The following PCDH7 variants were observed in gnomAD, a reference collection of about 807,000 sequenced individuals.
The protein encoded by PCDH7 is protocadherin-7.
Under a neutral mutation model 58.9 loss-of-function variants are expected in PCDH7, and 17 were observed. The observed-to-expected ratio is 0.29, with a 90% confidence interval of 0.20 to 0.43. The LOEUF (loss-of-function observed/expected upper bound fraction) is 0.43. PCDH7 is among the 20% of genes least tolerant of loss of function. The pLI, the probability that PCDH7 is intolerant of heterozygous loss-of-function variation, is 1.00. For synonymous variants in PCDH7, 664 were observed against 616.4 expected (o/e 1.08, Z -1.14); for missense variants, 1,274 against 1,441.0 (o/e 0.88, Z 1.88).
intron 1 of PCDH7, among the ~76,000 whole-genome samples, chr4:30,792,905 T>C (rs916660382): frequency 6.6e-6 from 1 of 152,150 alleles, no homozygotes; most frequent in Non-Finnish European, 1.5e-5. Flanking sequence ...TACAGTATTC[T>C]AACATTCTGC....
intron 3 of PCDH7, among the ~76,000 whole-genome samples, chr4:30,955,478 T>C (rs1428921049): frequency 2.0e-5 from 3 of 150,644 alleles, no homozygotes; most frequent in Non-Finnish European, 4.4e-5. Context: ...CCACTATTTT[T>C]ATTTATTTTA....
intron 3 of PCDH7, among the ~76,000 whole-genome samples, chr4:31,010,305 A>G (rs1015926706): frequency 6.6e-6 from 1 of 151,984 alleles, no homozygotes; most frequent in African/African-American, 2.4e-5. Flanking sequence ...TGAGTAACAT[A>G]TTTTAAATAA....
rs762558655 is a variant in PCDH7 at position 30,721,532 on chromosome 4, G to A, written c.110G>A (p.Arg37Gln). The change falls in exon 1 of 2, where the codon CGG becomes CAG. Residue 37 changes from arginine (R) to glutamine (Q), a missense_variant. Arg to Gln is a conservative substitution (Grantham distance 43). Coordinates refer to ENST00000361762, the Ensembl canonical transcript of PCDH7. The surrounding 1 kb of genome is among the most constrained non-coding windows in gnomAD (Gnocchi z 6.7). ...GCCGCCAAGCAGCTCCTCCGGTACC[G>A]GCTGGCCGAGGAGGGCCCCGCCGAC... 5.6e-6 allele frequency: 9 copies of A among 1,600,680 alleles called. No individual in the cohort carries two copies. Among genetic ancestry groups the A allele is most frequent in the Admixed American group, 1.7e-5 (1 of 59,940 alleles).
chr4:30,721,417 GAGA>G lies in PCDH7; in HGVS notation c.-2_1del, dbSNP rs1169599750. 7 of 1,493,284 alleles carry G rather than the reference GAGA, an allele frequency of 4.7e-6. No homozygotes were observed. Among genetic ancestry groups the G allele is most frequent in the Non-Finnish European group, 6.2e-6 (7 of 1,123,680 alleles). The allele number at this position is 1,493,284 out of a possible 1,614,324, so 92.5% of individuals were successfully genotyped here. ...GAAGGAGCAGTAGCAGCAGCAGCAG[GAGA>G]AGATGCTGAGGATGCGGACCGCGGG... On this transcript the variant is annotated 5_prime_UTR_variant, in exon 1 of 2. Transcript: ENST00000361762. This position sits in a 1 kb window ranked among gnomAD's most constrained non-coding sequence, Gnocchi z 6.7.
At chr4:30,743,533 T>C (rs75687815) in intron 1 of PCDH7, among the ~76,000 whole-genome samples, 4,822 of 152,136 alleles carry the variant, frequency 0.032, 233 homozygotes, top group East Asian at 0.22. Flanking sequence ...AGGAAAAAGA[T>C]AGAAATAAAG....
chr4:30,750,629 T>TA (rs1240273480), intron 1 of PCDH7, among the ~76,000 whole-genome samples: 3 of 152,166 alleles, frequency 2.0e-5, no homozygotes, highest in African/African-American at 7.2e-5. Flanking sequence ...CTCACCATAA[T>TA]AAAACAGTGC....
Position 30,722,279 on chromosome 4 carries a change from C to T in PCDH7, c.857C>T (p.Pro286Leu). 6.2e-7 allele frequency: 1 copy of T among 1,601,810 alleles called. No individual in the cohort carries two copies. The highest frequency in any genetic ancestry group is 1.1e-5 in the South Asian group (1 of 89,666). ...CTGCGAGTGCGCGACGGCGGCGACC[C>T]GCCTCGCTCCTCGCAGGCCATCCTA... The change falls in exon 1 of 2, where the codon CCG becomes CTG. Residue 286 changes from proline (P) to leucine (L), a missense_variant. Physicochemically the swap from Pro to Leu is moderately conservative, Grantham distance 98. Coordinates refer to ENST00000361762, the Ensembl canonical transcript of PCDH7. This position sits in a 1 kb window ranked among gnomAD's most constrained non-coding sequence, Gnocchi z 7.6.
chr4:30,987,539 A>G (rs1422468986), intron 3 of PCDH7: 3 of 152,222 alleles, frequency 2.0e-5, no homozygotes, highest in East Asian at 1.9e-4. Flanking sequence ...AATGGCTTGT[A>G]TAATAGTATT....
At chr4:30,962,539 C>A (rs780872100) in intron 3 of PCDH7, among the ~76,000 whole-genome samples, 3 of 151,938 alleles carry the variant, frequency 2.0e-5, no homozygotes, top group Non-Finnish European at 4.4e-5. Flanking sequence ...ATAATCCCAG[C>A]ATTTTGGAAA....
At chr4:30,729,707 A>C (rs1355951570) in intron 1 of PCDH7, among the ~76,000 whole-genome samples, 1 of 152,066 alleles carries the variant, frequency 6.6e-6, no homozygotes, top group Non-Finnish European at 1.5e-5. Flanking sequence ...ATTGATAATT[A>C]CTTTTGACTT....
chr4:30,980,733 A>G (rs1489573943), intron 3 of PCDH7, among the ~76,000 whole-genome samples: 3 of 152,258 alleles, frequency 2.0e-5, no homozygotes, highest in African/African-American at 4.8e-5. Flanking sequence ...CAATTTTTAA[A>G]CAATTGTTAA....
intron 3 of PCDH7, among the ~76,000 whole-genome samples, chr4:31,032,908 G>A (rs758143583): frequency 1.3e-5 from 2 of 152,068 alleles, no homozygotes; most frequent in Non-Finnish European, 1.5e-5. Flanking sequence ...TAGATTTTGT[G>A]CAGTAACTTT....
rs573530002 is a variant in PCDH7, at chr4:31,063,970, A to G, written c.*8-78503A>G. 3.3e-5 allele frequency among the ~76,000 whole-genome samples: 5 copies of G among 152,002 alleles called. No homozygotes were observed. In the South Asian group the frequency reaches 1.0e-3, roughly 32 times the overall value. ...CCCAATTCGATCTGAAAACTATATGACTTTTAAGCTTGATAGTGGACTGGC... is the reference window on the plus strand; with the variant it reads ...CCCAATTCGATCTGAAAACTATATGGCTTTTAAGCTTGATAGTGGACTGGC... On this transcript the variant is annotated intron_variant, in intron 3 of 3. Coordinates refer to the PCDH7 transcript ENST00000509759.
At chr4:31,089,655 G>A (rs545295881) in intron 3 of PCDH7, among the ~76,000 whole-genome samples, 12 of 152,050 alleles carry the variant, frequency 7.9e-5, no homozygotes, top group South Asian at 2.1e-4. Context: ...ACATATTTAC[G>A]TATGTTTTCT....
In PCDH7 at chr4:31,128,773, T is replaced by G. The variant is rs1008614720; in HGVS notation, c.*8-13700T>G. ...TGCTCCCTAGGCTGGGTTTGAAGAC[T>G]GCATTTTGTGTTATAAAACACTTCC... On this transcript the variant is annotated intron_variant, in intron 3 of 3. Transcript: ENST00000509759. 1.3e-5 allele frequency among the ~76,000 whole-genome samples: 2 copies of G among 152,188 alleles called. 1 individual carries two copies. The highest frequency in any genetic ancestry group is 1.3e-4 in the Admixed American group (2 of 15,278).
downstream of PCDH7, among the ~76,000 whole-genome samples, chr4:30,735,883 A>C (rs1388530467): frequency 6.6e-6 from 1 of 152,060 alleles, no homozygotes; most frequent in African/African-American, 2.4e-5. Context: ...GTAGGAAACC[A>C]CTTCTTCCTA....
chr4:30,728,300 G>T (rs201316717), intron 1 of PCDH7, among the ~76,000 whole-genome samples: 1,786 of 95,322 alleles, frequency 0.019, 21 homozygotes, highest in East Asian at 0.067. Flanking sequence ...TATATATAGA[G>T]AGAGAGAGAG....
At chr4:30,769,799 T>G (rs2109277234) in intron 1 of PCDH7, among the ~76,000 whole-genome samples, 1 of 152,308 alleles carries the variant, frequency 6.6e-6, no homozygotes, top group East Asian at 1.9e-4. Context: ...CAGTTTTTAC[T>G]TTTTAGAAGG....
At chr4:31,025,142 C>T (rs973269835) in intron 3 of PCDH7, among the ~76,000 whole-genome samples, 2 of 152,118 alleles carry the variant, frequency 1.3e-5, no homozygotes, top group African/African-American at 4.8e-5. Context: ...ATTTTTTTAG[C>T]TGGTGTAATG....
Sources: allele counts gnomAD v4.1 joint callset (sites outside exome capture counted in the v4.1 genomes callset), GRCh38; gene constraint gnomAD v4.1.1; non-coding constraint Gnocchi (gnomAD v3.1); transcripts MANE v1.5; gene names NCBI Gene and HGNC (gene_info 2026-07-23, HGNC 2026-07-21).